Variants in OLA1 observed in about 807,000 individuals in gnomAD.
The protein encoded by OLA1 is obg-like ATPase 1.
In OLA1, 14 loss-of-function variants were observed where a neutral mutation model predicts 48.4. The ratio of observed to expected loss-of-function variants is 0.29; its 90% CI spans 0.19 to 0.45. The LOEUF (loss-of-function observed/expected upper bound fraction) is 0.45. Ranked by LOEUF, OLA1 falls within the 20% of genes least tolerant of loss-of-function variation. The pLI is 1.00. For missense variants in OLA1, 325 were observed against 467.1 expected (o/e 0.70, Z 2.80); for synonymous variants, 127 against 150.4 (o/e 0.84, Z 1.14).
chr2:174,225,594 C>T (rs984578300), intron 3 of OLA1, among the ~76,000 whole-genome samples: 1 of 152,088 alleles, frequency 6.6e-6, no homozygotes, highest in Admixed American at 6.5e-5. Context: ...CAAACAGATG[C>T]TGGTGCTGTG....
At chr2:174,157,604 TG>T (rs1686917094) in intron 4 of OLA1, among the ~76,000 whole-genome samples, 2 of 152,162 alleles carry the variant, frequency 1.3e-5, no homozygotes, top group Non-Finnish European at 2.9e-5. Context: ...AATGTAAACA[TG>T]GGACAGGTAT....
rs1357674186 is a variant in OLA1, at chr2:174,163,761, TATATATATATATATAA to T, written c.374-21777_374-21762del. ...ATATATATATATATATATATATATA[TATATATATATATATAA>T]ATAAATGTTTGGGTGCCTGCTTAGA... is the stretch of plus-strand genomic sequence containing the variant. On this transcript the variant is annotated intron_variant, in intron 4 of 10. Coordinates refer to ENST00000284719, the MANE Select transcript of OLA1 (RefSeq NM_013341.5). 8.9e-3 allele frequency among the ~76,000 whole-genome samples: 326 copies of T among 36,818 alleles called. 34 individuals carry two copies. The highest frequency in any genetic ancestry group is 0.08 in the East Asian group (58 of 726). The allele number at this position is 36,818 out of a possible 152,430, so 24.2% of individuals were successfully genotyped here. A position where few individuals can be genotyped will look rare whatever the true frequency, so the allele number is the denominator to read the frequency against.
At chr2:174,211,523 A>G (rs1688243401) in intron 4 of OLA1, among the ~76,000 whole-genome samples, 1 of 152,222 alleles carries the variant, frequency 6.6e-6, no homozygotes, top group African/African-American at 2.4e-5. Context: ...TATTTGAATC[A>G]TTTGTACATA....
chr2:174,223,372 GA>G (rs1287966707), intron 3 of OLA1, among the ~76,000 whole-genome samples: 1 of 152,086 alleles, frequency 6.6e-6, no homozygotes, highest in Non-Finnish European at 1.5e-5. Flanking sequence ...TAATAAGTGA[GA>G]AAACTAAAAC....
chr2:174,108,391 G>A (rs1685563629), intron 7 of OLA1, among the ~76,000 whole-genome samples: 1 of 152,082 alleles, frequency 6.6e-6, no homozygotes, highest in Admixed American at 6.5e-5. Flanking sequence ...AACCTTTGAT[G>A]AAAGTCTGTA....
intron 7 of OLA1, among the ~76,000 whole-genome samples, chr2:174,091,118 T>C (rs1465501646): frequency 2.0e-5 from 3 of 152,198 alleles, no homozygotes; most frequent in Non-Finnish European, 4.4e-5. Context: ...ATTTTCTAAA[T>C]AGATAATAAG....
chr2:174,241,077 C>T (rs1399897254), intron 2 of OLA1, among the ~76,000 whole-genome samples: 4 of 152,130 alleles, frequency 2.6e-5, no homozygotes, highest in African/African-American at 4.8e-5. Context: ...GAGAGCCAGA[C>T]GCCAAGATAT....
chr2:174,217,769 T>C (rs948574161), intron 4 of OLA1: 3 of 152,174 alleles, frequency 2.0e-5, no homozygotes, highest in Non-Finnish European at 2.9e-5. Context: ...AATGGAATCA[T>C]AGTATACGCT....
At chr2:174,234,066 C>T (rs1400157292) in intron 2 of OLA1, among the ~76,000 whole-genome samples, 2 of 152,128 alleles carry the variant, frequency 1.3e-5, no homozygotes, top group Non-Finnish European at 2.9e-5. Flanking sequence ...TCTCCTTCCA[C>T]TTCCTCTCTA....
At chr2:174,102,211 A>G (rs1685413780) in intron 7 of OLA1, among the ~76,000 whole-genome samples, 1 of 152,096 alleles carries the variant, frequency 6.6e-6, no homozygotes, top group African/African-American at 2.4e-5. Context: ...TCTGAATCAG[A>G]AACTTGGAAG....
intron 7 of OLA1, among the ~76,000 whole-genome samples, chr2:174,085,797 C>T (rs891149720): frequency 2.6e-5 from 4 of 152,176 alleles, no homozygotes; most frequent in African/African-American, 9.7e-5. Flanking sequence ...TCCAAATCTA[C>T]TTGCTTTAAT....
chr2:174,242,967 C>T (rs1298486972), intron 2 of OLA1, among the ~76,000 whole-genome samples: 2 of 151,886 alleles, frequency 1.3e-5, no homozygotes, highest in African/African-American at 4.8e-5. Flanking sequence ...TTCCAGCAGG[C>T]GTGAGCCACC....
At chr2:174,212,457 A>T (rs537675361) in intron 4 of OLA1, among the ~76,000 whole-genome samples, 206 of 152,342 alleles carry the variant, frequency 1.4e-3, no homozygotes, top group Non-Finnish European at 2.3e-3. Flanking sequence ...ATTGACATAG[A>T]CAAGTGTAGA....
chr2:174,213,157 A>T lies in OLA1; in HGVS notation c.373+9876T>A, dbSNP rs115370820. ...TAGCTGAAAATAAATTATATTTGAA[A>T]TTTTGTTTTCCACAACTATAACTAA... On this transcript the variant is annotated intron_variant, in intron 4 of 10. Coordinates refer to ENST00000284719, the MANE Select transcript of OLA1 (RefSeq NM_013341.5). Among the ~76,000 whole-genome samples, 1,257 of 152,268 alleles carry T rather than the reference A, an allele frequency of 8.3e-3. 19 individuals are homozygous for T. Among genetic ancestry groups the T allele is most frequent in the African/African-American group, 0.029 (1,193 of 41,538 alleles).
chr2:174,094,735 T>C (rs918188457), intron 7 of OLA1, among the ~76,000 whole-genome samples: 2 of 152,198 alleles, frequency 1.3e-5, no homozygotes, highest in Admixed American at 1.3e-4. Flanking sequence ...GCTAACTCTA[T>C]TTACATTGTT....
chr2:174,164,831 T>C (rs1159344763), intron 4 of OLA1, among the ~76,000 whole-genome samples: 1 of 152,214 alleles, frequency 6.6e-6, no homozygotes, highest in Non-Finnish European at 1.5e-5. Context: ...AAGGATTGAT[T>C]GGGCATGTGA....
chr2:174,186,863 T>C (rs1475327389), intron 4 of OLA1, among the ~76,000 whole-genome samples: 1 of 152,096 alleles, frequency 6.6e-6, no homozygotes, highest in Non-Finnish European at 1.5e-5. Context: ...AGCATGATGT[T>C]GAAATGTCCA....
At chr2:174,150,909 A>C (rs10930645) in intron 4 of OLA1, among the ~76,000 whole-genome samples, 19,680 of 152,222 alleles carry the variant, frequency 0.13, 1,473 homozygotes, top group East Asian at 0.21. Context: ...AAATAGAAAA[A>C]ATTAGAATAG....
intron 4 of OLA1, among the ~76,000 whole-genome samples, chr2:174,209,576 C>T (rs1574552837): frequency 6.6e-6 from 1 of 151,996 alleles, no homozygotes; most frequent in Non-Finnish European, 1.5e-5. Flanking sequence ...ATTAAAAACT[C>T]GGGCTGAAGC....
Sources: gnomAD v4.1 joint callset for allele counts (sites outside exome capture counted in the v4.1 genomes callset) on GRCh38, gnomAD v4.1.1 for gene constraint, MANE v1.5 for transcripts, NCBI Gene and HGNC (gene_info 2026-07-23, HGNC 2026-07-21) for gene names.